TBC1D19: variants seen among roughly 807,000 people sequenced by gnomAD.
TBC1D19 encodes the protein TBC1 domain family member 19, also known as TBC1 domain family, member 19.
A neutral mutation model predicts 89.0 loss-of-function variants in TBC1D19; 60 were observed. That is an observed-to-expected ratio of 0.67 (90% CI 0.55 to 0.84). The LOEUF (loss-of-function observed/expected upper bound fraction) is 0.84, where lower values mean the gene tolerates loss of function less well. TBC1D19 is among the 40% of genes least tolerant of loss of function. The pLI is 0.00. For missense variants in TBC1D19, 500 were observed against 610.8 expected (o/e 0.82, Z 1.91); for synonymous variants, 189 against 199.7 (o/e 0.95, Z 0.45).
chr4:26,845,854 G>A, the TBC1D19 span, among the ~76,000 whole-genome samples: 2 of 152,114 alleles, frequency 1.3e-5, no homozygotes, highest in South Asian at 2.1e-4. Flanking sequence ...ACTACCATGA[G>A]AACAGTATGG....
chr4:26,665,205 A>G (rs2109089267), intron 8 of TBC1D19, among the ~76,000 whole-genome samples: 1 of 152,308 alleles, frequency 6.6e-6, no homozygotes, highest in East Asian at 1.9e-4. Context: ...GTAGATAAAG[A>G]TTAAAAATTG....
intron 11 of TBC1D19, among the ~76,000 whole-genome samples, chr4:26,678,230 G>A (rs1713009263): frequency 6.6e-6 from 1 of 152,164 alleles, no homozygotes; most frequent in Non-Finnish European, 1.5e-5. Context: ...GGAATAAAGG[G>A]GATTCTTGTT....
chr4:26,651,457 T>C (rs1744372506), intron 7 of TBC1D19, among the ~76,000 whole-genome samples: 1 of 152,202 alleles, frequency 6.6e-6, no homozygotes, highest in African/African-American at 2.4e-5. Flanking sequence ...GATTCCTAGG[T>C]ATTTTATTCT....
chr4:26,698,258 C>T (rs1257113809), intron 13 of TBC1D19, among the ~76,000 whole-genome samples: 1 of 152,138 alleles, frequency 6.6e-6, no homozygotes, highest in Non-Finnish European at 1.5e-5. Flanking sequence ...AACTCCCATT[C>T]ACAATTGCTT....
In TBC1D19 at chr4:26,638,787, A is replaced by G. The variant is rs1469050081; in HGVS notation, c.386A>G (p.Gln129Arg). 1 of 1,610,924 alleles carries G rather than the reference A, an allele frequency of 6.2e-7. No individual in the cohort carries two copies. Among genetic ancestry groups the G allele is most frequent in the Non-Finnish European group, 8.5e-7 (1 of 1,179,248 alleles). The change falls in exon 6 of 21, where the codon CAG becomes CGG. Residue 129 changes from glutamine to arginine, a missense_variant. By Grantham distance (43) the Gln-to-Arg change is conservative. Around this residue, in one of 2 missense-constraint regions of TBC1D19, gnomAD observed 280 missense variants for 291.7 expected, o/e 0.96. Coordinates refer to ENST00000264866, the MANE Select transcript of TBC1D19 (RefSeq NM_018317.4). ...CTTTTCCAGAGGCCAGTTGGAGAAC[A>G]GAAAGAACTTCTTAATAAATGGAAT... ...PLARKRPVGE[Q>R]KELLNKWNEM...
the TBC1D19 span, among the ~76,000 whole-genome samples, chr4:26,796,822 A>G: frequency 1.3e-5 from 2 of 152,232 alleles, no homozygotes; most frequent in African/African-American, 4.8e-5. Context: ...GCAAATTTAC[A>G]GACACAGAAA....
At chr4:26,607,501 T>G (rs970332537) in intron 1 of TBC1D19, among the ~76,000 whole-genome samples, 3 of 152,006 alleles carry the variant, frequency 2.0e-5, no homozygotes, top group African/African-American at 7.2e-5. Flanking sequence ...TACAGAGAGG[T>G]TAAGTGACTT....
At chr4:26,585,161 G>A (rs1377514182) in intron 1 of TBC1D19, 2 of 446,010 alleles carry the variant, frequency 4.5e-6, no homozygotes, top group Non-Finnish European at 4.5e-6. Context: ...TAAATACCTA[G>A]GATTGGAATT....
chr4:26,772,579 C>G, the TBC1D19 span, among the ~76,000 whole-genome samples: 1 of 152,098 alleles, frequency 6.6e-6, no homozygotes, highest in Non-Finnish European at 1.5e-5. Context: ...AGGTTTTAAG[C>G]CCAGCATTCA....
intron 17 of TBC1D19, chr4:26,740,596 G>T: frequency 1.1e-6 from 1 of 943,916 alleles, no homozygotes; most frequent in South Asian, 4.9e-5. Context: ...ATTTTAATCT[G>T]TTCTCTTTTG....
chr4:26,669,749 T>C (rs1279513996), intron 9 of TBC1D19, among the ~76,000 whole-genome samples: 1 of 151,796 alleles, frequency 6.6e-6, no homozygotes, highest in African/African-American at 2.4e-5. Context: ...ACTTGATTAT[T>C]CAACTATTCT....
intron 10 of TBC1D19, among the ~76,000 whole-genome samples, chr4:26,673,444 T>C (rs112301240): frequency 0.047 from 3,652 of 78,224 alleles, 103 homozygotes; most frequent in African/African-American, 0.13. Flanking sequence ...TATATATATA[T>C]ATACACACAC....
At chr4:26,683,417 A>G (rs1713531517) in intron 11 of TBC1D19, among the ~76,000 whole-genome samples, 1 of 152,192 alleles carries the variant, frequency 6.6e-6, no homozygotes, top group Middle Eastern at 3.2e-3. Flanking sequence ...TAAATACTGT[A>G]TTTGCTATTA....
At chr4:26,594,344 G>C (rs1450136594) in intron 1 of TBC1D19, among the ~76,000 whole-genome samples, 1 of 152,124 alleles carries the variant, frequency 6.6e-6, no homozygotes, top group Non-Finnish European at 1.5e-5. Flanking sequence ...CTGTTGTGGG[G>C]TTGGTGGAGA....
At chr4:26,619,995 A>G (rs1483811921) in intron 3 of TBC1D19, among the ~76,000 whole-genome samples, 3 of 152,192 alleles carry the variant, frequency 2.0e-5, no homozygotes, top group Non-Finnish European at 4.4e-5. Flanking sequence ...ATTGTTGTGA[A>G]ATGGATTGGA....
chr4:26,580,219 A>G (rs1476151031), upstream of TBC1D19, among the ~76,000 whole-genome samples: 1 of 152,188 alleles, frequency 6.6e-6, no homozygotes, highest in Non-Finnish European at 1.5e-5. Flanking sequence ...GGATTCAGAA[A>G]AGAGGTATGA....
chr4:26,643,895 A>G (rs1480231386), intron 7 of TBC1D19, among the ~76,000 whole-genome samples: 1 of 152,208 alleles, frequency 6.6e-6, no homozygotes, highest in African/African-American at 2.4e-5. Flanking sequence ...ATCACTGAAT[A>G]GGCCAATAAC....
At chr4:26,762,380 TTAGA>T in the TBC1D19 span, among the ~76,000 whole-genome samples, 1 of 152,226 alleles carries the variant, frequency 6.6e-6, no homozygotes. Flanking sequence ...AACTTTTTTC[TTAGA>T]TATGTAGTGT....
chr4:26,595,168 T>A (rs1740129823), intron 1 of TBC1D19, among the ~76,000 whole-genome samples: 1 of 152,234 alleles, frequency 6.6e-6, no homozygotes. Context: ...TATTTTAATT[T>A]GCAATTCCCT....
Sources: gnomAD v4.1 joint callset for allele counts (sites outside exome capture counted in the v4.1 genomes callset) on GRCh38, gnomAD v4.1.1 for gene constraint, gnomAD v4.1.1 regional missense constraint, MANE v1.5 for transcripts, NCBI Gene and HGNC (gene_info 2026-07-23, HGNC 2026-07-21) for gene names.